SMARCC1: variants seen among roughly 807,000 people sequenced by gnomAD.
SMARCC1 encodes SWI/SNF related BAF chromatin remodeling complex subunit C1.
SMARCC1 carries 43 observed loss-of-function variants against 147.4 expected under a neutral mutation model. The ratio of observed to expected loss-of-function variants is 0.29; its 90% confidence interval spans 0.23 to 0.38. SMARCC1 has a LOEUF of 0.38. Ranked by LOEUF, SMARCC1 falls within the 10% of genes least tolerant of loss-of-function variation. SMARCC1 has a pLI of 1.00. For synonymous variants in SMARCC1, 495 were observed against 484.4 expected, an observed-to-expected ratio of 1.02 and a Z score of -0.29; for missense variants, 1,119 against 1,381.1, an observed-to-expected ratio of 0.81 and a Z score of 3.01.
intron 23 of SMARCC1, among the ~76,000 whole-genome samples, chr3:47,635,783 G>A (rs1417101335): frequency 6.6e-6 from 1 of 152,210 alleles, no homozygotes; most frequent in African/African-American, 2.4e-5. Flanking sequence ...GGAAGTCTGT[G>A]AGGTGACTTC....
intron 14 of SMARCC1, among the ~76,000 whole-genome samples, chr3:47,685,595 C>G (rs1288928608): frequency 6.7e-6 from 1 of 150,256 alleles, no homozygotes; most frequent in Admixed American, 6.6e-5. Flanking sequence ...CGCGGTGGCT[C>G]ACGCCTGTAA....
chr3:47,745,256 C>CA (rs2034552524), intron 3 of SMARCC1, among the ~76,000 whole-genome samples: 1 of 151,800 alleles, frequency 6.6e-6, no homozygotes, highest in Non-Finnish European at 1.5e-5. Flanking sequence ...AACTAAGTCT[C>CA]AAAAAAACAA....
chr3:47,750,173 C>A (rs1266272716), intron 2 of SMARCC1, among the ~76,000 whole-genome samples: 1 of 152,062 alleles, frequency 6.6e-6, no homozygotes, highest in East Asian at 1.9e-4. Flanking sequence ...CGGTGGCTCA[C>A]GCCAATAATC....
At chr3:47,665,001 T>G (rs2033403961) in intron 19 of SMARCC1, among the ~76,000 whole-genome samples, 1 of 152,080 alleles carries the variant, frequency 6.6e-6, no homozygotes, top group Non-Finnish European at 1.5e-5. Flanking sequence ...CAAAGATTTT[T>G]TTTTCTTAAT....
At chr3:47,590,014 G>C (rs2032150374) in intron 27 of SMARCC1, among the ~76,000 whole-genome samples, 1 of 152,130 alleles carries the variant, frequency 6.6e-6, no homozygotes, top group Non-Finnish European at 1.5e-5. Flanking sequence ...GGCAGGCCAG[G>C]GTCTCAGAAA....
At chr3:47,758,687 T>C (rs1274527088) in intron 2 of SMARCC1, among the ~76,000 whole-genome samples, 1 of 152,138 alleles carries the variant, frequency 6.6e-6, no homozygotes, top group Non-Finnish European at 1.5e-5. Flanking sequence ...ATATTTACTA[T>C]CTAGAATATT....
At chr3:47,773,043 GATGT>G in intron 1 of SMARCC1, 107 bp from the exon 2 acceptor site, 1 of 916,558 alleles carries the variant, frequency 1.1e-6, no homozygotes, top group South Asian at 1.8e-5. Context: ...GAAATTTATA[GATGT>G]CTGAGACACG....
chr3:47,773,056 C>T (rs563919941), intron 1 of SMARCC1, 120 bp from the exon 2 acceptor site: 7 of 784,114 alleles, frequency 8.9e-6, no homozygotes, highest in African/African-American at 5.3e-5. Context: ...GTCTGAGACA[C>T]GCTCTGTGCT....
chr3:47,636,191 T>G (rs560408242), intron 22 of SMARCC1, 55 bp from the exon 23 acceptor site: 3 of 888,566 alleles, frequency 3.4e-6, no homozygotes, highest in African/African-American at 3.3e-5. Flanking sequence ...CCCCAGACCT[T>G]TTTATGAGTA....
At chr3:47,596,318 C>G (rs1056714558) in intron 26 of SMARCC1, among the ~76,000 whole-genome samples, 1 of 151,880 alleles carries the variant, frequency 6.6e-6, no homozygotes, top group East Asian at 1.9e-4. Context: ...GCCTATAATC[C>G]CAGCACTTTG....
chr3:47,770,947 T>C (rs1006658671), intron 2 of SMARCC1, among the ~76,000 whole-genome samples: 3 of 152,224 alleles, frequency 2.0e-5, no homozygotes, highest in African/African-American at 4.8e-5. Context: ...AGTCTCACTC[T>C]GTCGCCCAGG....
At chr3:47,697,238 G>C (rs1221549533) in intron 11 of SMARCC1, among the ~76,000 whole-genome samples, 1 of 152,002 alleles carries the variant, frequency 6.6e-6, no homozygotes, top group Non-Finnish European at 1.5e-5. Flanking sequence ...AGTATCACTT[G>C]AGTGAGCAGC....
At chr3:47,700,333 G>A (rs2033901129) in intron 11 of SMARCC1, among the ~76,000 whole-genome samples, 2 of 152,014 alleles carry the variant, frequency 1.3e-5, no homozygotes, top group African/African-American at 4.8e-5. Flanking sequence ...TTATTTACAA[G>A]CTGCTCCCAC....
chr3:47,698,112 A>T (rs1418799919), intron 11 of SMARCC1, among the ~76,000 whole-genome samples: 1 of 148,304 alleles, frequency 6.7e-6, no homozygotes, highest in Non-Finnish European at 1.5e-5. Flanking sequence ...CAACACATTA[A>T]AAAAAAAAAT....
In SMARCC1 at chr3:47,759,119, C is replaced by A. The variant is rs974348028; in HGVS notation, c.316-13126G>T. Among the ~76,000 whole-genome samples, 9 of 152,022 alleles carry A rather than the reference C, an allele frequency of 5.9e-5. No individual in the cohort carries two copies. The East Asian group carries it at 1.6e-3, about 26-fold the overall frequency. ...CCTTCGCCACCTGGCTCAAGCAATC[C>A]TCCCACCTCAGCCTCCCAAATAGCT... On this transcript the variant is annotated intron_variant, in intron 2 of 27. Transcript: ENST00000254480.
chr3:47,595,029 A>G (rs536727119), intron 26 of SMARCC1, among the ~76,000 whole-genome samples: 9 of 152,028 alleles, frequency 5.9e-5, no homozygotes, highest in African/African-American at 1.9e-4. Context: ...ACATTTTGGG[A>G]TTGGTTTTTT....
At chr3:47,765,761 C>G (rs1446385425) in intron 2 of SMARCC1, among the ~76,000 whole-genome samples, 1 of 149,440 alleles carries the variant, frequency 6.7e-6, no homozygotes, top group Non-Finnish European at 1.5e-5. Flanking sequence ...GAGATGGAGT[C>G]TCACTCTGTC....
At chr3:47,643,562 C>T (rs1053367724) in intron 21 of SMARCC1, among the ~76,000 whole-genome samples, 3 of 151,940 alleles carry the variant, frequency 2.0e-5, no homozygotes, top group Admixed American at 1.3e-4. Context: ...AAGTCTGACA[C>T]GGTCATTTAG....
chr3:47,630,354 T>G (rs2032870217), intron 24 of SMARCC1, among the ~76,000 whole-genome samples: 1 of 152,210 alleles, frequency 6.6e-6, no homozygotes. Flanking sequence ...ACTCAGGCAG[T>G]AATGCTTGCT....
Sources: allele counts gnomAD v4.1 joint callset (sites outside exome capture counted in the v4.1 genomes callset), GRCh38; gene constraint gnomAD v4.1.1; transcripts MANE v1.5; gene names NCBI Gene and HGNC (gene_info 2026-07-23, HGNC 2026-07-21).